ZZZ3: variants seen among roughly 807,000 people sequenced by gnomAD.
The protein encoded by ZZZ3 is zinc finger ZZ-type containing 3, also known as ZZ-type zinc finger-containing protein 3.
Under a neutral mutation model 95.2 loss-of-function variants are expected in ZZZ3, and 22 were observed. The ratio of observed to expected loss-of-function variants is 0.23; its 90% CI spans 0.17 to 0.33. The LOEUF (loss-of-function observed/expected upper bound fraction) is 0.33, where lower values mean the gene tolerates loss of function less well. Ranked by LOEUF, ZZZ3 falls within the 10% of genes least tolerant of loss-of-function variation. ZZZ3 has a pLI of 1.00. For missense variants in ZZZ3, 885 were observed against 1,066.5 expected (o/e 0.83, Z 2.37); for synonymous variants, 335 against 358.9 (o/e 0.93, Z 0.75).
At chr1:77,589,415 TATTTATTTA>T (rs1353048633) in intron 5 of ZZZ3, among the ~76,000 whole-genome samples, 1 of 52,444 alleles carries the variant, frequency 1.9e-5, no homozygotes, top group African/African-American at 6.6e-5. Flanking sequence ...AGGTTGATTT[TATTTATTTA>T]TTTATTTATT....
intron 1 of ZZZ3, among the ~76,000 whole-genome samples, chr1:77,674,475 C>T (rs891670432): frequency 2.6e-5 from 4 of 152,054 alleles, no homozygotes; most frequent in Non-Finnish European, 5.9e-5. Context: ...CATTAATGAC[C>T]GGAATAAACA....
At chr1:77,568,791 G>A (rs1661088386) in intron 12 of ZZZ3, among the ~76,000 whole-genome samples, 1 of 151,978 alleles carries the variant, frequency 6.6e-6, no homozygotes, top group African/African-American at 2.4e-5. Flanking sequence ...ACGGTTACTT[G>A]AGTGACTTGT....
chr1:77,671,950 C>T (rs1671823947), intron 1 of ZZZ3, among the ~76,000 whole-genome samples: 1 of 152,036 alleles, frequency 6.6e-6, no homozygotes, highest in Admixed American at 6.6e-5. Context: ...AAGTGATTAA[C>T]CAGTGGGAAG....
Position 77,581,784 on chromosome 1 carries a change from G to A in ZZZ3, c.1900C>T (p.Arg634Cys), listed in dbSNP as rs377036331. The A allele has an allele frequency of 2.8e-5, 45 of 1,611,588 alleles. 1 individual carries two copies. The highest frequency in any genetic ancestry group is 6.7e-5 in the African/African-American group (5 of 74,846). ...LSDGPEGSSS[R>C]PQMIRGRLCD... Reference sequence around the variant, plus strand: ...TATTTCACACTGCTTACCTGAGGACGACTGCTTGAGCCTTCTGGACCATCA... The same window carrying A: ...TATTTCACACTGCTTACCTGAGGACAACTGCTTGAGCCTTCTGGACCATCA... The change falls in exon 8 of 15, where the codon CGT becomes TGT. Residue 634 changes from arginine (R) to cysteine (C), a missense_variant. Arg to Cys is a radical substitution (Grantham distance 180). Around this residue, in one of 5 missense-constraint regions of ZZZ3, gnomAD observed 99 missense variants for 119.8 expected, o/e 0.83. Coordinates refer to ENST00000370801, the MANE Select transcript of ZZZ3 (RefSeq NM_015534.6).
Position 77,632,328 on chromosome 1 carries a change from G to T in ZZZ3, c.1027C>A (p.Leu343Ile), listed in dbSNP as rs780135705. Reference protein sequence around the residue: ...ENTNNELDTSLESMPASGEPE... With the variant: ...ENTNNELDTSIESMPASGEPE... ...TCTCCGGAGGCTGGCATACTCTCAA[G>T]ACTTGTGTCCAGTTCGTTATTGGTG... is the stretch of plus-strand genomic sequence containing the variant. The change falls in exon 5 of 15, where the codon CTT (leucine) becomes ATT (isoleucine). Residue 343 changes from leucine (L) to isoleucine (I), a missense_variant. By Grantham distance (5) the Leu-to-Ile change is conservative (BLOSUM62 2). Around this residue, in one of 5 missense-constraint regions of ZZZ3, gnomAD observed 556 missense variants for 652.9 expected, o/e 0.85. Coordinates refer to ENST00000370801, the MANE Select transcript of ZZZ3 (RefSeq NM_015534.6). 1 of 1,614,036 alleles carries T rather than the reference G, an allele frequency of 6.2e-7. No homozygotes were observed. Among genetic ancestry groups the T allele is most frequent in the African/African-American group, 1.3e-5 (1 of 74,906 alleles).
intron 1 of ZZZ3, among the ~76,000 whole-genome samples, chr1:77,652,613 G>A (rs904531586): frequency 2.0e-5 from 3 of 151,988 alleles, no homozygotes; most frequent in Non-Finnish European, 4.4e-5. Flanking sequence ...AAAAATAAAG[G>A]AAAACATATG....
chr1:77,616,861 C>T (rs1201125795), intron 5 of ZZZ3, among the ~76,000 whole-genome samples: 1 of 151,696 alleles, frequency 6.6e-6, no homozygotes, highest in East Asian at 1.9e-4. Flanking sequence ...AGTGAGACTT[C>T]GTCTCTAAAA....
intron 1 of ZZZ3, among the ~76,000 whole-genome samples, chr1:77,643,623 G>T (rs999020645): frequency 6.6e-6 from 1 of 152,142 alleles, no homozygotes; most frequent in Non-Finnish European, 1.5e-5. Flanking sequence ...AATCTTCACT[G>T]AAAAGAATTA....
rs550157389 is a variant in ZZZ3, at chr1:77,615,105, T to C, written c.1505+16745A>G. Among the ~76,000 whole-genome samples, 3 of 152,334 alleles carry C rather than the reference T, an allele frequency of 2.0e-5. No homozygotes were observed. The South Asian group carries it at 6.2e-4, about 32-fold the overall frequency. ...CACTCTTTTCTCTATGCTTTTACAA[T>C]TGATGATCAATAGACCAAACAATTC... On this transcript the variant is annotated intron_variant, in intron 5 of 14. Coordinates refer to ENST00000370801, the MANE Select transcript of ZZZ3 (RefSeq NM_015534.6).
chr1:77,681,374 T>C (rs753612341), intron 1 of ZZZ3, among the ~76,000 whole-genome samples: 1 of 152,168 alleles, frequency 6.6e-6, no homozygotes, highest in Non-Finnish European at 1.5e-5. Flanking sequence ...ACCTGATTCG[T>C]TTTGTAATTA....
At chr1:77,569,753 A>C (rs925070350) in intron 12 of ZZZ3, among the ~76,000 whole-genome samples, 2 of 149,832 alleles carry the variant, frequency 1.3e-5, no homozygotes, top group African/African-American at 2.5e-5. Flanking sequence ...TGTTATTCCT[A>C]CTTCTCTCAT....
upstream of ZZZ3, chr1:77,682,823 G>T (rs908063921): frequency 1.3e-5 from 2 of 152,272 alleles, no homozygotes; most frequent in Admixed American, 1.3e-4. Flanking sequence ...ACAGTAGGAA[G>T]TCTTTCCGCT....
intron 5 of ZZZ3, among the ~76,000 whole-genome samples, chr1:77,610,729 C>T (rs901638808): frequency 2.0e-5 from 3 of 151,376 alleles, no homozygotes; most frequent in Non-Finnish European, 4.4e-5. Context: ...TCAATTGGTG[C>T]AGAAAAAGCA....
intron 1 of ZZZ3, among the ~76,000 whole-genome samples, chr1:77,651,044 A>C (rs1669758837): frequency 6.6e-6 from 1 of 152,170 alleles, no homozygotes. Flanking sequence ...ACCATATACA[A>C]AAATTAACTT....
intron 13 of ZZZ3, among the ~76,000 whole-genome samples, chr1:77,566,536 T>C (rs1455969268): frequency 6.6e-6 from 1 of 152,206 alleles, no homozygotes; most frequent in Admixed American, 6.5e-5. Context: ...ATGATGACTA[T>C]GGTTGAGAAA....
intron 5 of ZZZ3, among the ~76,000 whole-genome samples, chr1:77,602,636 T>C (rs1200353262): frequency 6.9e-6 from 1 of 145,426 alleles, no homozygotes; most frequent in Non-Finnish European, 1.5e-5. Flanking sequence ...GACTGAGTCT[T>C]GCTCAGCTGC....
intron 5 of ZZZ3, among the ~76,000 whole-genome samples, chr1:77,626,537 G>A (rs1043173772): frequency 1.1e-4 from 16 of 152,090 alleles, no homozygotes; most frequent in African/African-American, 1.9e-4. Context: ...AATAGAGTTC[G>A]TGCTCCTATG....
At chr1:77,607,765 T>C (rs559850251) in intron 5 of ZZZ3, among the ~76,000 whole-genome samples, 1 of 151,760 alleles carries the variant, frequency 6.6e-6, no homozygotes, top group East Asian at 1.9e-4. Flanking sequence ...CTCCTAAAAA[T>C]ACAAAAATTA....
rs778083763 is a variant in ZZZ3 at position 77,565,804 on chromosome 1, C to T, written c.2568-20G>A. 36 of 1,602,194 alleles carry T rather than the reference C, an allele frequency of 2.2e-5. 2 individuals carry two copies. The South Asian group carries it at 3.6e-4, about 16-fold the overall frequency. The stretch of plus-strand genomic sequence containing the variant: ...TGTAGACTGTAAAGAAAAAAAGACA[C>T]ACATCATTACATGGTAGTGGATGCA... On this transcript the variant is annotated intron_variant, in intron 14 of 14. Coordinates refer to ENST00000370801, the MANE Select transcript of ZZZ3 (RefSeq NM_015534.6).
Sources: allele counts gnomAD v4.1 joint callset (sites outside exome capture counted in the v4.1 genomes callset), GRCh38; gene constraint gnomAD v4.1.1; regional missense constraint gnomAD v4.1.1; transcripts MANE v1.5; gene names NCBI Gene and HGNC (gene_info 2026-07-23, HGNC 2026-07-21).